RAB7A: variants seen among roughly 807,000 people sequenced by gnomAD.
RAB7A encodes the protein ras-related protein Rab-7a.
In RAB7A, 2 loss-of-function variants were observed where a neutral mutation model predicts 24.5. The observed-to-expected ratio is 0.08, with a 90% CI of 0.03 to 0.26. RAB7A has a LOEUF of 0.26. Among genes scored for constraint, RAB7A ranks in the 10% least tolerant of loss-of-function variants. RAB7A has a pLI of 1.00. For missense variants in RAB7A, 118 were observed against 255.7 expected, an observed-to-expected ratio of 0.46 and a Z score of 3.67; for synonymous variants, 100 against 95.9, an observed-to-expected ratio of 1.04 and a Z score of -0.25.
chr3:128,799,878 G>T (rs778993440), intron 3 of RAB7A, among the ~76,000 whole-genome samples: 64 of 152,146 alleles, frequency 4.2e-4, no homozygotes, highest in Non-Finnish European at 8.8e-4. Flanking sequence ...ATTTAGTACC[G>T]CAGGAGAGAA....
chr3:128,748,220 T>G (rs1239249020), intron 1 of RAB7A, among the ~76,000 whole-genome samples: 2 of 152,216 alleles, frequency 1.3e-5, no homozygotes, highest in African/African-American at 2.4e-5. Context: ...GACAGGTGAC[T>G]CCTTCTGGGT....
chr3:128,805,168 G>A (rs1933775607), intron 3 of RAB7A, among the ~76,000 whole-genome samples: 2 of 152,158 alleles, frequency 1.3e-5, no homozygotes, highest in African/African-American at 4.8e-5. Flanking sequence ...CTTCTCCACT[G>A]ACAGAGATGC....
intron 3 of RAB7A, 74 bp from the exon 4 acceptor site, chr3:128,806,298 G>T: frequency 7.3e-7 from 1 of 1,374,310 alleles, no homozygotes. Context: ...TATTTCTTCT[G>T]GCACCCCTTG....
chr3:128,763,364 G>A lies in RAB7A; in HGVS notation c.-8-31996G>A, dbSNP rs944180126. ...CGAGTAGCTGGGACTACAGGCACCCGCCACCACGCCTGGCTAATTTTTTTT... is the reference window on the plus strand; with the variant it reads ...CGAGTAGCTGGGACTACAGGCACCCACCACCACGCCTGGCTAATTTTTTTT... On this transcript the variant is annotated intron_variant, in intron 1 of 5. Coordinates refer to ENST00000265062, the MANE Select transcript of RAB7A (RefSeq NM_004637.6). Among the ~76,000 whole-genome samples the A allele has an allele frequency of 1.2e-4, 18 of 151,168 alleles. No individual in the cohort carries two copies. The East Asian group carries it at 2.9e-3, about 24-fold the overall frequency.
At chr3:128,727,707 C>T (rs1334327611) in intron 1 of RAB7A, among the ~76,000 whole-genome samples, 1 of 152,228 alleles carries the variant, frequency 6.6e-6, no homozygotes, top group African/African-American at 2.4e-5. Flanking sequence ...ATTCAAAATA[C>T]TGCATCTTTG....
intron 1 of RAB7A, among the ~76,000 whole-genome samples, chr3:128,755,868 T>G (rs1251590395): frequency 6.6e-6 from 1 of 152,156 alleles, no homozygotes; most frequent in Admixed American, 6.5e-5. Context: ...GCTGCACCCA[T>G]TAACTCGTCA....
chr3:128,761,941 T>TCC (rs2070778868), intron 1 of RAB7A, among the ~76,000 whole-genome samples: 1 of 152,164 alleles, frequency 6.6e-6, no homozygotes, highest in African/African-American at 2.4e-5. Context: ...GTGCAGAAGG[T>TCC]GTGGAGCCTT....
At chr3:128,763,208 A>ATATATATATTTT (rs373993932) in intron 1 of RAB7A, among the ~76,000 whole-genome samples, 12 of 76,060 alleles carry the variant, frequency 1.6e-4, no homozygotes, top group African/African-American at 7.3e-4. Flanking sequence ...ATATATATAT[A>ATATATATATTTT]TTTTTTTTTT....
chr3:128,751,497 G>T (rs914454765), intron 1 of RAB7A, among the ~76,000 whole-genome samples: 1 of 152,174 alleles, frequency 6.6e-6, no homozygotes, highest in Non-Finnish European at 1.5e-5. Flanking sequence ...CTTGGATGGG[G>T]CCTGTAGCCT....
chr3:128,751,586 A>G (rs1018383066), intron 1 of RAB7A, among the ~76,000 whole-genome samples: 2 of 152,324 alleles, frequency 1.3e-5, no homozygotes, highest in African/African-American at 4.8e-5. Flanking sequence ...CTTAGAAGTA[A>G]CTAACTTGCT....
intron 1 of RAB7A, among the ~76,000 whole-genome samples, chr3:128,757,357 G>A (rs1245854530): frequency 6.6e-6 from 1 of 152,140 alleles, no homozygotes; most frequent in African/African-American, 2.4e-5. Context: ...GGGGAAAGAT[G>A]GCATTTGAGC....
chr3:128,812,871 C>T (rs1933955004), intron 5 of RAB7A, among the ~76,000 whole-genome samples: 1 of 152,144 alleles, frequency 6.6e-6, no homozygotes. Context: ...ACACTCAGCT[C>T]CAGCCACTTC....
intron 1 of RAB7A, among the ~76,000 whole-genome samples, chr3:128,741,398 G>A (rs1251450716): frequency 6.6e-6 from 1 of 152,038 alleles, no homozygotes; most frequent in African/African-American, 2.4e-5. Flanking sequence ...AGTAATTCTA[G>A]CACTTAGCCA....
intron 1 of RAB7A, among the ~76,000 whole-genome samples, chr3:128,752,450 CAAAAA>C (rs943286570): frequency 6.6e-6 from 1 of 150,920 alleles, no homozygotes; most frequent in African/African-American, 2.4e-5. Flanking sequence ...AAAAAAATGA[CAAAAA>C]GAAAAATGAG....
At chr3:128,782,941 T>A (rs1028170034) in intron 1 of RAB7A, among the ~76,000 whole-genome samples, 2 of 152,132 alleles carry the variant, frequency 1.3e-5, no homozygotes, top group African/African-American at 4.8e-5. Flanking sequence ...AGGTTCAAAG[T>A]CTTCATTTGA....
chr3:128,798,701 C>G (rs1933630337), intron 3 of RAB7A: 1 of 166,230 alleles, frequency 6.0e-6, no homozygotes, highest in Non-Finnish European at 1.3e-5. Flanking sequence ...ATTAACATCC[C>G]TAGAAAAGAA....
chr3:128,767,021 CTTTT>C (rs1273689882), intron 1 of RAB7A, among the ~76,000 whole-genome samples: 1 of 151,576 alleles, frequency 6.6e-6, no homozygotes, highest in Non-Finnish European at 1.5e-5. Context: ...ATTCTTCTTT[CTTTT>C]GACCATCACT....
At chr3:128,732,756 G>GT (rs1190094026) in intron 1 of RAB7A, among the ~76,000 whole-genome samples, 1 of 152,186 alleles carries the variant, frequency 6.6e-6, no homozygotes, top group Non-Finnish European at 1.5e-5. Context: ...GATTCCAGGA[G>GT]TTTAAGGCTG....
chr3:128,812,560 C>A (rs1933949816), intron 5 of RAB7A, among the ~76,000 whole-genome samples: 1 of 152,222 alleles, frequency 6.6e-6, no homozygotes, highest in South Asian at 2.1e-4. Context: ...GTCACTGGCA[C>A]ACAAGTGCTC....
Sources: gnomAD v4.1 joint callset for allele counts (sites outside exome capture counted in the v4.1 genomes callset) on GRCh38, gnomAD v4.1.1 for gene constraint, MANE v1.5 for transcripts, NCBI Gene and HGNC (gene_info 2026-07-23, HGNC 2026-07-21) for gene names.